COP1: variants seen among roughly 807,000 people sequenced by gnomAD.
COP1 encodes the protein COP1 E3 ubiquitin ligase.
A neutral mutation model predicts 101.3 loss-of-function variants in COP1; 24 were observed. That is an observed-to-expected ratio of 0.24 (90% confidence interval 0.17 to 0.33). The LOEUF is 0.33. Ranked by LOEUF, COP1 falls within the 10% of genes least tolerant of loss-of-function variation. The pLI, the probability that COP1 is intolerant of heterozygous loss-of-function variation, is 1.00. For missense variants in COP1, 663 were observed against 906.2 expected (o/e 0.73, Z 3.45); for synonymous variants, 347 against 341.9 (o/e 1.01, Z -0.17).
chr1:176,195,502 C>T (rs1230866799), intron 1 of COP1, among the ~76,000 whole-genome samples: 1 of 152,120 alleles, frequency 6.6e-6, no homozygotes, highest in African/African-American at 2.4e-5. Context: ...CCTCAGCCTA[C>T]ACATGGCAGA....
intron 6 of COP1, among the ~76,000 whole-genome samples, chr1:176,143,087 A>G (rs1690960601): frequency 2.0e-5 from 3 of 151,568 alleles, no homozygotes; most frequent in South Asian, 4.2e-4. Context: ...CATATAATTG[A>G]TATATTCCTG....
intron 15 of COP1, among the ~76,000 whole-genome samples, chr1:176,013,427 T>G (rs1157414999): frequency 6.6e-6 from 1 of 152,236 alleles, no homozygotes; most frequent in Non-Finnish European, 1.5e-5. Context: ...AGTATCTTAT[T>G]TGGTCTTAAT....
At chr1:176,178,481 ACT>A (rs1466222124) in intron 2 of COP1, among the ~76,000 whole-genome samples, 1 of 152,022 alleles carries the variant, frequency 6.6e-6, no homozygotes, top group Non-Finnish European at 1.5e-5. Flanking sequence ...ACACAGCGAG[ACT>A]CTGTCTCAAA....
At chr1:176,011,933 AAAC>A (rs67847837) in intron 15 of COP1, among the ~76,000 whole-genome samples, 103,493 of 151,756 alleles carry the variant, frequency 0.68, 36,719 homozygotes, top group East Asian at 0.92. Context: ...AATATATGAT[AAAC>A]AACTGTGTTA....
chr1:175,986,721 T>C (rs540337168), intron 18 of COP1, among the ~76,000 whole-genome samples: 2 of 152,336 alleles, frequency 1.3e-5, no homozygotes, highest in Admixed American at 6.5e-5. Context: ...ATGCACTAAA[T>C]GCTATGGGTC....
At chr1:176,020,342 CACTA>C (rs1666549183) in intron 15 of COP1, among the ~76,000 whole-genome samples, 1 of 150,120 alleles carries the variant, frequency 6.7e-6, no homozygotes, top group Admixed American at 6.6e-5. Context: ...CCTTCATACT[CACTA>C]ACAGGGCCCA....
At chr1:176,095,944 C>A (rs528138584) in intron 9 of COP1, among the ~76,000 whole-genome samples, 4 of 152,172 alleles carry the variant, frequency 2.6e-5, no homozygotes, top group Admixed American at 6.5e-5. Flanking sequence ...TAAATCCAGG[C>A]CTTTGCATGT....
At chr1:176,001,672 G>A (rs1011884081) in intron 15 of COP1, among the ~76,000 whole-genome samples, 2 of 151,918 alleles carry the variant, frequency 1.3e-5, no homozygotes, top group Non-Finnish European at 1.5e-5. Flanking sequence ...TTTATATACC[G>A]ATATGATTAT....
At chr1:176,027,899 T>TA (rs10712525) in intron 14 of COP1, among the ~76,000 whole-genome samples, 1 of 146,466 alleles carries the variant, frequency 6.8e-6, no homozygotes, top group African/African-American at 2.5e-5. Flanking sequence ...GGTAATTTAT[T>TA]AAAAAAAAAA....
intron 11 of COP1, among the ~76,000 whole-genome samples, chr1:176,065,921 C>T (rs749270608): frequency 6.6e-6 from 1 of 151,748 alleles, no homozygotes; most frequent in East Asian, 1.9e-4. Context: ...CTGGCCAGGC[C>T]GATCTCAAAA....
chr1:176,207,039 G>T lies in COP1; in HGVS notation c.-61C>A. The T allele has an allele frequency of 7.7e-7, 1 of 1,292,742 alleles. No homozygotes were observed. Among genetic ancestry groups the T allele is most frequent in the Non-Finnish European group, 9.9e-7 (1 of 1,008,868 alleles). 80.1% of individuals were successfully genotyped at this position (1,292,742 alleles called of 1,614,324 possible). ...AGAGGGACCGCGACCTCGACCCTCC[G>T]CCGCCTCCCCTCCCCTCAGCCTCAG... On this transcript the variant is annotated 5_prime_UTR_variant, in exon 1 of 20. Coordinates refer to ENST00000367669, the MANE Select transcript of COP1 (RefSeq NM_022457.7).
At chr1:175,963,712 A>C (rs1651663932) in intron 18 of COP1, among the ~76,000 whole-genome samples, 2 of 152,044 alleles carry the variant, frequency 1.3e-5, no homozygotes, top group Non-Finnish European at 2.9e-5. Context: ...TTATATCTTT[A>C]TGAAGCCCAG....
intron 18 of COP1, among the ~76,000 whole-genome samples, chr1:175,958,663 A>G (rs1200000200): frequency 1.5e-5 from 2 of 137,426 alleles, no homozygotes; most frequent in Non-Finnish European, 3.4e-5. Flanking sequence ...GACTTCCCTC[A>G]GAATGAGAAT....
intron 18 of COP1, among the ~76,000 whole-genome samples, chr1:175,969,827 T>C (rs945678460): frequency 1.3e-5 from 2 of 152,144 alleles, no homozygotes; most frequent in Non-Finnish European, 2.9e-5. Context: ...TAAAATACTA[T>C]ATAACCTTAA....
chr1:176,078,587 T>C (rs1678497563), intron 11 of COP1, among the ~76,000 whole-genome samples: 1 of 148,540 alleles, frequency 6.7e-6, no homozygotes, highest in Admixed American at 6.8e-5. Flanking sequence ...CTTTGGCAAA[T>C]AATTTATGGC....
At chr1:176,034,610 T>TA (rs1455613991) in intron 14 of COP1, among the ~76,000 whole-genome samples, 1 of 151,966 alleles carries the variant, frequency 6.6e-6, no homozygotes, top group Non-Finnish European at 1.5e-5. Flanking sequence ...CCCTGGGAGA[T>TA]AAAGAGTCGG....
chr1:176,194,269 C>G (rs1699411830), intron 1 of COP1, among the ~76,000 whole-genome samples: 1 of 151,894 alleles, frequency 6.6e-6, no homozygotes, highest in East Asian at 1.9e-4. Flanking sequence ...AAACAAAGAG[C>G]AAACAAGACA....
At position 175,956,331 on chromosome 1, in the gene COP1, A is replaced by C. The variant is rs1413191650; in HGVS notation, c.2134-9092T>G. On this transcript the variant is annotated intron_variant, in intron 18 of 19. Transcript: ENST00000367669. ...TAAAACAACTGTATATACAGAAAAAAGTAAACTTCAATCCTTCTATCATAC... is the reference window on the plus strand; with the variant it reads ...TAAAACAACTGTATATACAGAAAAACGTAAACTTCAATCCTTCTATCATAC... Among the ~76,000 whole-genome samples, 6 of 152,166 alleles carry C rather than the reference A, an allele frequency of 3.9e-5. 1 individual carries two copies. The highest frequency in any genetic ancestry group is 8.8e-5 in the Non-Finnish European group (6 of 68,012).
At chr1:176,042,390 C>T (rs1046464375) in intron 14 of COP1, among the ~76,000 whole-genome samples, 4 of 150,016 alleles carry the variant, frequency 2.7e-5, no homozygotes, top group African/African-American at 9.8e-5. Flanking sequence ...GGTGAAACTC[C>T]ACCTCTACCA....
Sources: allele counts gnomAD v4.1 joint callset (sites outside exome capture counted in the v4.1 genomes callset), GRCh38; gene constraint gnomAD v4.1.1; transcripts MANE v1.5; gene names NCBI Gene and HGNC (gene_info 2026-07-23, HGNC 2026-07-21).